The following UBAC2 variants were observed in gnomAD, a reference collection of about 807,000 sequenced individuals.
UBAC2 encodes the protein UBA domain containing 2.
UBAC2 carries 26 observed loss-of-function variants against 44.0 expected under a neutral mutation model. The ratio of observed to expected loss-of-function variants is 0.59; its 90% confidence interval spans 0.43 to 0.82. The LOEUF is 0.82. Ranked by LOEUF, UBAC2 falls within the 40% of genes least tolerant of loss-of-function variation. The pLI, the probability that UBAC2 is intolerant of heterozygous loss-of-function variation, is 0.00. For synonymous variants in UBAC2, 155 were observed against 154.3 expected (o/e 1.00, Z -0.04); for missense variants, 329 against 419.4 (o/e 0.78, Z 1.88).
chr13:99,295,887 G>A lies in UBAC2; in HGVS notation c.390-18210G>A, dbSNP rs767046352. The A allele has an allele frequency of 1.2e-6, 2 of 1,611,718 alleles. No individual in the cohort carries two copies. Among genetic ancestry groups the A allele is most frequent in the South Asian group, 1.1e-5 (1 of 90,808 alleles). ...AAGCCCATTGCATAGTAGGCTATTC[G>A]TGTAGGCAAAGCGGTGGTAAAAAGT... On this transcript the variant is annotated intron_variant, in intron 4 of 8. Coordinates refer to ENST00000403766, the MANE Select transcript of UBAC2 (RefSeq NM_001144072.2). The surrounding 1 kb of genome is among the most constrained non-coding windows in gnomAD (Gnocchi z 4.1).
Position 99,238,448 on chromosome 13 carries a change from G to A in UBAC2, c.53G>A (p.Ser18Asn). The A allele has an allele frequency of 6.2e-7, 1 of 1,613,850 alleles. No homozygotes were observed. The highest frequency in any genetic ancestry group is 8.5e-7 in the Non-Finnish European group (1 of 1,179,872). ...CCAGACAAGGCGCCTCTGTCGAAGAGCCTTCTGCTGGTCCCCAGTGCCCTC... is the reference window on the plus strand; with the variant it reads ...CCAGACAAGGCGCCTCTGTCGAAGAACCTTCTGCTGGTCCCCAGTGCCCTC... ...SGLYKAPLSK[S>N]LLLVPSALSL... The change falls in exon 2 of 9, where the codon AGC (serine) becomes AAC (asparagine). Residue 18 changes from serine (S) to asparagine (N), a missense_variant. Ser to Asn is a conservative substitution (Grantham distance 46). Coordinates refer to ENST00000403766, the MANE Select transcript of UBAC2 (RefSeq NM_001144072.2).
At chr13:99,319,528 A>C (rs2044541527) in intron 6 of UBAC2, among the ~76,000 whole-genome samples, 2 of 152,000 alleles carry the variant, frequency 1.3e-5, no homozygotes, top group Non-Finnish European at 2.9e-5. Context: ...TTCTGTGTTC[A>C]TTCTTTGCTT....
intron 6 of UBAC2, among the ~76,000 whole-genome samples, chr13:99,339,933 C>G (rs537178409): frequency 6.6e-6 from 1 of 152,180 alleles, no homozygotes; most frequent in South Asian, 2.1e-4. Flanking sequence ...CTGCTGGTGT[C>G]TCTGTGATGG....
At chr13:99,372,489 A>G (rs1471796407) in intron 8 of UBAC2, 1 of 152,432 alleles carries the variant, frequency 6.6e-6, no homozygotes, top group African/African-American at 2.4e-5. Context: ...CATCAAATCC[A>G]TAGACCCTGG....
intron 4 of UBAC2, among the ~76,000 whole-genome samples, chr13:99,281,935 G>A (rs1308221928): frequency 2.6e-5 from 4 of 152,168 alleles, no homozygotes; most frequent in Non-Finnish European, 2.9e-5. Flanking sequence ...AGTTTAAAAG[G>A]GCGTGTAAGC....
chr13:99,232,913 G>A (rs1240624074), intron 1 of UBAC2, among the ~76,000 whole-genome samples: 1 of 152,096 alleles, frequency 6.6e-6, no homozygotes, highest in Admixed American at 6.5e-5. Flanking sequence ...CTGCACTCTA[G>A]CCTGGGCAAC....
At chr13:99,230,381 G>A (rs1409388524) in intron 1 of UBAC2, among the ~76,000 whole-genome samples, 1 of 152,058 alleles carries the variant, frequency 6.6e-6, no homozygotes, top group Non-Finnish European at 1.5e-5. Flanking sequence ...GACGAGAATT[G>A]CTTGAACCTG....
chr13:99,348,779 G>A (rs752223699), intron 7 of UBAC2, among the ~76,000 whole-genome samples: 1 of 152,204 alleles, frequency 6.6e-6, no homozygotes, highest in Non-Finnish European at 1.5e-5. Context: ...GGGAGGCCAA[G>A]GCAGGAGGAT....
rs869112086 is a variant in UBAC2 at position 99,338,047 on chromosome 13, C to CTTTTTTTTTTTTTTTTTTTTTTTTTTTT, written c.562-2272_562-2245dup. Reference sequence around the variant, plus strand: ...ATCTCCTAACTTTTTTTCTTTTTTTCTTTTTTTTTTTTTTTTTTTTTTTTT... The same window carrying CTTTTTTTTTTTTTTTTTTTTTTTTTTTT: ...ATCTCCTAACTTTTTTTCTTTTTTTCTTTTTTTTTTTTTTTTTTTTTTTTTTTTTTTTTTTTTTTTTTTTTTTTTTTTT... On this transcript the variant is annotated intron_variant, in intron 6 of 8. Coordinates refer to ENST00000403766, the MANE Select transcript of UBAC2 (RefSeq NM_001144072.2). Among the ~76,000 whole-genome samples the CTTTTTTTTTTTTTTTTTTTTTTTTTTTT allele has an allele frequency of 3.3e-4, 16 of 48,868 alleles. 3 individuals carry two copies. Among genetic ancestry groups the CTTTTTTTTTTTTTTTTTTTTTTTTTTTT allele is most frequent in the African/African-American group, 7.1e-4 (10 of 14,116 alleles). 32.1% of individuals were successfully genotyped at this position (48,868 alleles called of 152,430 possible). A position where few individuals can be genotyped will look rare whatever the true frequency, so the allele number is the denominator to read the frequency against.
chr13:99,339,131 C>T (rs748375828), intron 6 of UBAC2, among the ~76,000 whole-genome samples: 2 of 152,100 alleles, frequency 1.3e-5, no homozygotes, highest in Non-Finnish European at 2.9e-5. Context: ...AGCCACCTGC[C>T]CACTCAGTAG....
At chr13:99,317,093 G>T (rs2044502480) in intron 5 of UBAC2, among the ~76,000 whole-genome samples, 2 of 152,312 alleles carry the variant, frequency 1.3e-5, no homozygotes, top group Admixed American at 1.3e-4. Context: ...CTAGAGCAAA[G>T]CTTGCCAGCC....
chr13:99,201,154 C>T (rs2042791252), intron 1 of UBAC2: 10 of 1,362,548 alleles, frequency 7.3e-6, no homozygotes, highest in Non-Finnish European at 9.5e-6. Context: ...AAAGCCCCGC[C>T]GCCCGCCCCG....
chr13:99,222,050 A>C (rs1191631282), intron 1 of UBAC2, among the ~76,000 whole-genome samples: 1 of 152,172 alleles, frequency 6.6e-6, no homozygotes, highest in Non-Finnish European at 1.5e-5. Flanking sequence ...CCGTGTAAGT[A>C]ATTCATTCAC....
chr13:99,231,047 C>CA (rs149090712), intron 1 of UBAC2, among the ~76,000 whole-genome samples: 14,222 of 147,234 alleles, frequency 0.097, 718 homozygotes, highest in East Asian at 0.13. Context: ...GACTCCGTCT[C>CA]AAAAAAAAAA....
intron 7 of UBAC2, among the ~76,000 whole-genome samples, chr13:99,365,627 T>C (rs1286392134): frequency 6.6e-6 from 1 of 152,204 alleles, no homozygotes; most frequent in African/African-American, 2.4e-5. Flanking sequence ...GAGAATATAA[T>C]CTGTGTAATG....
chr13:99,352,678 G>A (rs555751845), intron 7 of UBAC2, among the ~76,000 whole-genome samples: 4 of 152,278 alleles, frequency 2.6e-5, no homozygotes, highest in African/African-American at 4.8e-5. Context: ...CGTCTATTCC[G>A]CAGAATACAC....
intron 4 of UBAC2, among the ~76,000 whole-genome samples, chr13:99,246,378 G>A (rs574202924): frequency 6.6e-6 from 1 of 152,212 alleles, no homozygotes; most frequent in Non-Finnish European, 1.5e-5. Context: ...AAATAGTGTA[G>A]TCATCAGGAA....
intron 4 of UBAC2, among the ~76,000 whole-genome samples, chr13:99,304,877 A>C (rs1004382027): frequency 6.6e-6 from 1 of 152,220 alleles, no homozygotes; most frequent in African/African-American, 2.4e-5. Context: ...ATGGGTAGAA[A>C]ACAAGTAAAA....
chr13:99,201,450 CAA>C (rs1297399621), intron 1 of UBAC2: 12 of 1,613,972 alleles, frequency 7.4e-6, no homozygotes, highest in Non-Finnish European at 9.3e-6. Flanking sequence ...AGTTTTTAGA[CAA>C]ACACACACTG....
Sources: gnomAD v4.1 joint callset for allele counts (sites outside exome capture counted in the v4.1 genomes callset) on GRCh38, gnomAD v4.1.1 for gene constraint, Gnocchi (gnomAD v3.1) non-coding constraint, MANE v1.5 for transcripts, NCBI Gene and HGNC (gene_info 2026-07-23, HGNC 2026-07-21) for gene names.